The following C5 variants were observed in gnomAD, a reference collection of about 807,000 sequenced individuals.
C5 encodes the protein C3 and PZP-like alpha-2-macroglobulin domain-containing protein 4.
A neutral mutation model predicts 218.8 loss-of-function variants in C5; 140 were observed. That is an observed-to-expected ratio of 0.64 (90% confidence interval 0.56 to 0.74). C5 has a LOEUF of 0.74. Ranked by LOEUF, C5 falls within the 30% of genes least tolerant of loss-of-function variation. C5 has a pLI of 0.00. For missense variants in C5, 1,700 were observed against 1,969.6 expected (o/e 0.86, Z 2.59); for synonymous variants, 614 against 682.3 (o/e 0.90, Z 1.56).
chr9:120,980,218 G>T lies in C5; in HGVS notation c.3523C>A (p.Leu1175Met). 6.2e-7 allele frequency: 1 copy of T among 1,614,190 alleles called. No individual in the cohort carries two copies. The change falls in exon 28 of 41, where the codon CTG (leucine) becomes ATG (methionine). Residue 1175 changes from leucine (L) to methionine (M), a missense_variant. Transcript: ENST00000223642. ...DTALIKADNF[L>M]LENTLPAQST... ...TGGGCTGGCAGTGTATTTTCAAGCA[G>T]AAAGTTGTCAGCTTTAATTAGAGCT...
At chr9:121,030,126 C>G (rs1435228611) in intron 7 of C5, among the ~76,000 whole-genome samples, 1 of 151,940 alleles carries the variant, frequency 6.6e-6, no homozygotes, top group Non-Finnish European at 1.5e-5. Context: ...TCTAAGTTAC[C>G]CTAGTTTCTA....
At chr9:121,006,079 A>C (rs922904928) in intron 19 of C5, 21 bp from the exon 20 acceptor site, 1 of 1,612,894 alleles carries the variant, frequency 6.2e-7, no homozygotes, top group Non-Finnish European at 8.5e-7. Context: ...AAGTGGAAGC[A>C]AAGTAGAATC....
intron 23 of C5, among the ~76,000 whole-genome samples, chr9:120,990,975 T>C (rs41311871): frequency 0.1 from 15,148 of 152,162 alleles, 861 homozygotes; most frequent in African/African-American, 0.15. Context: ...TGGAGGAGAA[T>C]GCATCTCCAT....
intron 12 of C5, among the ~76,000 whole-genome samples, chr9:121,019,349 C>T (rs552354973): frequency 3.9e-4 from 60 of 152,272 alleles, no homozygotes; most frequent in African/African-American, 1.4e-3. Flanking sequence ...GCCTGGCTGT[C>T]GAAATAATTC....
At chr9:121,018,612 A>C in intron 12 of C5, among the ~76,000 whole-genome samples, 1 of 91,314 alleles carries the variant, frequency 1.1e-5, no homozygotes, top group African/African-American at 4.0e-5. Flanking sequence ...GAAGGAAGGA[A>C]GGAAGGCAAG....
At chr9:120,971,897 T>C (rs1250804180) in intron 31 of C5, 33 bp downstream of exon 31, 1 of 1,523,712 alleles carries the variant, frequency 6.6e-7, no homozygotes. Context: ...AATGGACACA[T>C]AACTCGTTAT....
At chr9:121,035,204 A>G (rs1159581337) in intron 4 of C5, among the ~76,000 whole-genome samples, 4 of 152,214 alleles carry the variant, frequency 2.6e-5, no homozygotes, top group African/African-American at 9.6e-5. Context: ...CAACAAACAA[A>G]CAAACAAACA....
rs1331264413 is a variant in C5, at chr9:120,969,128, A to G, written c.4163-10T>C. 3.1e-6 allele frequency: 5 copies of G among 1,612,286 alleles called. No homozygotes were observed. The highest frequency in any genetic ancestry group is 2.2e-5 in the East Asian group (1 of 44,882). ...CCTCTGTAGTGGGATGCTGGCACATAAGACAAGAAAACAAACAGACAAATA... is the reference window on the plus strand; with the variant it reads ...CCTCTGTAGTGGGATGCTGGCACATGAGACAAGAAAACAAACAGACAAATA... On this transcript the variant is annotated splice_polypyrimidine_tract_variant and intron_variant, in intron 32 of 40. Transcript: ENST00000223642.
chr9:120,957,664 G>C (rs1027685213), intron 38 of C5, among the ~76,000 whole-genome samples: 2 of 152,230 alleles, frequency 1.3e-5, no homozygotes, highest in Non-Finnish European at 2.9e-5. Context: ...TAGATGTTAA[G>C]TTCAGAGGCT....
At position 120,991,341 on chromosome 9, in the gene C5, T is replaced by C. The variant is rs187517049; in HGVS notation, c.2852-61A>G. The C allele has an allele frequency of 2.5e-4, 219 of 886,534 alleles. 1 individual carries two copies. The East Asian group carries it at 4.6e-3, about 19-fold the overall frequency. 54.9% of individuals were successfully genotyped at this position (886,534 alleles called of 1,614,324 possible). On this transcript the variant is annotated intron_variant, in intron 22 of 40. Coordinates refer to ENST00000223642, the MANE Select transcript of C5 (RefSeq NM_001735.3). ...CCAGGGGAAGACTGTTTGCAGATTA[T>C]TTATAATGTATCTACTTCCAAAGAA...
In C5 at chr9:120,979,232, G is replaced by T. The variant is rs116364295; in HGVS notation, c.3658+851C>A. Among the ~76,000 whole-genome samples, 1,176 of 152,104 alleles carry T rather than the reference G, an allele frequency of 7.7e-3. 16 individuals are homozygous for T. The highest frequency in any genetic ancestry group is 0.027 in the African/African-American group (1,120 of 41,500). On this transcript the variant is annotated intron_variant, in intron 28 of 40. Transcript: ENST00000223642. ...ATTTGCACGTGCTGTTCTCCACCAGGTACTTCCTTCTAGATAGCCACAGGA... is the reference window on the plus strand; with the variant it reads ...ATTTGCACGTGCTGTTCTCCACCAGTTACTTCCTTCTAGATAGCCACAGGA...
intron 1 of C5, among the ~76,000 whole-genome samples, chr9:121,047,078 A>G (rs1017900680): frequency 6.6e-6 from 1 of 152,224 alleles, no homozygotes; most frequent in Non-Finnish European, 1.5e-5. Context: ...TCTTCAAACA[A>G]TAATGGTAAT....
intron 20 of C5, among the ~76,000 whole-genome samples, chr9:121,005,233 T>G (rs539603115): frequency 3.5e-4 from 53 of 152,284 alleles, no homozygotes; most frequent in Middle Eastern, 3.4e-3. Flanking sequence ...AAATGGTGGG[T>G]CCAATCATGG....
At position 120,997,561 on chromosome 9, in the gene C5, T is replaced by A; in HGVS notation, c.2776A>T (p.Thr926Ser). The change falls in exon 21 of 41, where the codon ACA becomes TCA. Residue 926 changes from threonine to serine, a missense_variant. Coordinates refer to ENST00000223642, the MANE Select transcript of C5 (RefSeq NM_001735.3). ...TWFGKEILVKTLRVVPEGVKR... is the reference protein window; with the variant it reads ...TWFGKEILVKSLRVVPEGVKR... The stretch of plus-strand genomic sequence containing the variant: ...GTTTTTCTTACCACCACTCGTAATG[T>A]TTTTACTAAGATTTCTTTTCCAAAC... The A allele has an allele frequency of 1.9e-6, 3 of 1,612,946 alleles. No individual in the cohort carries two copies. Among genetic ancestry groups the A allele is most frequent in the Non-Finnish European group, 2.5e-6 (3 of 1,179,004 alleles).
At chr9:120,969,909 CAT>C (rs1016212291) in intron 32 of C5, among the ~76,000 whole-genome samples, 29 of 152,174 alleles carry the variant, frequency 1.9e-4, no homozygotes, top group African/African-American at 6.8e-4. Context: ...TTAAAAATAA[CAT>C]AGTCAAAACA....
chr9:120,978,137 C>T (rs1328889744), intron 28 of C5, among the ~76,000 whole-genome samples: 4 of 152,010 alleles, frequency 2.6e-5, no homozygotes, highest in Non-Finnish European at 1.5e-5. Context: ...CAATTTAAAG[C>T]ACTCAAGACA....
At chr9:121,016,498 T>C in intron 14 of C5, 115 bp from the exon 15 acceptor site, 3 of 1,361,854 alleles carry the variant, frequency 2.2e-6, no homozygotes, top group Non-Finnish European at 3.1e-6. Context: ...ACACAGATGA[T>C]ATTTTTCAAA....
intron 34 of C5, 128 bp from the exon 35 acceptor site, chr9:120,963,095 C>A: frequency 1.3e-6 from 1 of 786,396 alleles, no homozygotes; most frequent in East Asian, 2.5e-5. Context: ...AGAGCAGTTC[C>A]TCTTCTTGAA....
intron 31 of C5, 123 bp downstream of exon 31, chr9:120,971,807 C>A: frequency 1.4e-6 from 1 of 719,530 alleles, no homozygotes; most frequent in Non-Finnish European, 2.5e-6. Context: ...ATAAGTGAAT[C>A]CCACTTTAGT....
Sources: allele counts gnomAD v4.1 joint callset (sites outside exome capture counted in the v4.1 genomes callset), GRCh38; gene constraint gnomAD v4.1.1; transcripts MANE v1.5; gene names NCBI Gene and HGNC (gene_info 2026-07-23, HGNC 2026-07-21).